The following NHSL2 variants were observed in gnomAD, a reference collection of about 807,000 sequenced individuals.
The protein encoded by NHSL2 is NHS-like protein 2.
A neutral mutation model predicts 53.4 loss-of-function variants in NHSL2; 27 were observed. The observed-to-expected ratio is 0.51, with a 90% CI of 0.37 to 0.70. The LOEUF is 0.70. Ranked by LOEUF, NHSL2 falls within the 30% of genes least tolerant of loss-of-function variation. The pLI is 0.00. For missense variants in NHSL2, 892 were observed against 980.1 expected (o/e 0.91, Z 1.20); for synonymous variants, 408 against 404.1 (o/e 1.01, Z -0.12).
At chrX:72,129,824 C>T in intron 1 of NHSL2, 12 of 1,185,197 alleles carry the variant, frequency 1.0e-5, no homozygotes, top group Non-Finnish European at 1.4e-5. Context: ...CCATCTGGCC[C>T]CAGCACTCAA....
intron 1 of NHSL2, among the ~76,000 whole-genome samples, chrX:72,104,598 C>T (rs771701707): frequency 1.9e-4 from 21 of 111,952 alleles, no homozygotes; most frequent in Middle Eastern, 4.6e-3. Context: ...CCCAAGGTGA[C>T]GCTGAGGTCT....
At chrX:72,079,936 C>G (rs1014690106) in intron 1 of NHSL2, 1 of 112,931 alleles carries the variant, frequency 8.9e-6, no homozygotes, top group Non-Finnish European at 1.9e-5. Flanking sequence ...TCCAGGGTGG[C>G]TGTGGGTGGA....
At chrX:72,057,011 A>G (rs1207392526) in intron 1 of NHSL2, among the ~76,000 whole-genome samples, 1 of 112,517 alleles carries the variant, frequency 8.9e-6, no homozygotes, top group Non-Finnish European at 1.9e-5. Context: ...TTCAGACACC[A>G]GGAGGCCATT....
At chrX:71,991,818 TTCTCTCTCTCTCTC>T (rs59851052) in intron 1 of NHSL2, among the ~76,000 whole-genome samples, 5 of 99,857 alleles carry the variant, frequency 5.0e-5, no homozygotes, top group Non-Finnish European at 9.9e-5. Flanking sequence ...GTCTTTCTCT[TTCTCTCTCTCTCTC>T]TCTCTCTCTC....
intron 1 of NHSL2, among the ~76,000 whole-genome samples, chrX:72,058,448 G>A (rs1474980578): frequency 1.8e-5 from 2 of 111,423 alleles, no homozygotes; most frequent in African/African-American, 6.5e-5. Flanking sequence ...CGATTCAAGC[G>A]ATTCTCCTGC....
intron 1 of NHSL2, among the ~76,000 whole-genome samples, chrX:72,066,676 A>G (rs1404182367): frequency 8.9e-6 from 1 of 112,441 alleles, no homozygotes; most frequent in African/African-American, 3.2e-5. Flanking sequence ...CAATGGGAAC[A>G]TCTTGAGCAT....
At chrX:72,048,300 C>T (rs1249342013) in intron 1 of NHSL2, among the ~76,000 whole-genome samples, 1 of 110,639 alleles carries the variant, frequency 9.0e-6, no homozygotes. Flanking sequence ...GAGGTTCCCA[C>T]ACTTGGGTTC....
chrX:72,148,790 C>T lies in NHSL2; in HGVS notation c.*5216C>T, dbSNP rs2042483302. 1 of 108,210 alleles carries T rather than the reference C, an allele frequency of 9.2e-6. No homozygotes were observed. The highest frequency in any genetic ancestry group is 3.4e-5 in the African/African-American group (1 of 29,464). 8.9% of individuals were successfully genotyped at this position (108,210 alleles called of 1,213,427 possible). A position where few individuals can be genotyped will look rare whatever the true frequency, so the allele number is the denominator to read the frequency against. On this transcript the variant is annotated 3_prime_UTR_variant, in exon 8 of 8. Coordinates refer to ENST00000633930, the MANE Select transcript of NHSL2 (RefSeq NM_001013627.3). ...GGTTCTCAAAGTGCAGTTCCAGGAG[C>T]AGCAACAGCAGCATCCCTGGAGAGG... is the stretch of plus-strand genomic sequence containing the variant.
chrX:72,002,637 C>A (rs138097931), intron 1 of NHSL2, among the ~76,000 whole-genome samples: 10,111 of 111,419 alleles, frequency 0.091, 454 homozygotes, highest in Middle Eastern at 0.16. Flanking sequence ...AGCTGTAGAT[C>A]TGGTAGTCTC....
At chrX:71,985,657 A>G (rs2041999847) in intron 1 of NHSL2, among the ~76,000 whole-genome samples, 1 of 112,440 alleles carries the variant, frequency 8.9e-6, no homozygotes, top group Non-Finnish European at 1.9e-5. Flanking sequence ...ACTCTGAAAA[A>G]CAAAACAAAA....
At chrX:72,060,953 T>C (rs1039110922) in intron 1 of NHSL2, among the ~76,000 whole-genome samples, 1 of 113,023 alleles carries the variant, frequency 8.8e-6, no homozygotes, top group African/African-American at 3.2e-5. Context: ...ACTTCCCCTG[T>C]CTTGGCCTGC....
At chrX:71,912,075 C>G (rs59203931) in intron 1 of NHSL2, among the ~76,000 whole-genome samples, 1 of 112,452 alleles carries the variant, frequency 8.9e-6, no homozygotes, top group East Asian at 2.8e-4. Flanking sequence ...TGGAGAGAAT[C>G]ATTTAAAGAA....
At chrX:72,130,436 A>G in intron 1 of NHSL2, 2 of 1,204,431 alleles carry the variant, frequency 1.7e-6, no homozygotes, top group Non-Finnish European at 2.2e-6. Flanking sequence ...TCTTGCTGAA[A>G]AGCCCTCATG....
chrX:72,034,065 C>A (rs2042229190), intron 1 of NHSL2, among the ~76,000 whole-genome samples: 1 of 111,922 alleles, frequency 8.9e-6, no homozygotes, highest in Admixed American at 9.4e-5. Context: ...AATAGATGTT[C>A]TTTACCACGT....
chrX:71,964,839 C>T (rs2041894321), intron 1 of NHSL2, among the ~76,000 whole-genome samples: 1 of 112,444 alleles, frequency 8.9e-6, no homozygotes, highest in Non-Finnish European at 1.9e-5. Context: ...TTTCACAGAA[C>T]AGAATTTTTA....
chrX:72,094,909 G>A (rs941783003), intron 1 of NHSL2, among the ~76,000 whole-genome samples: 1 of 112,040 alleles, frequency 8.9e-6, no homozygotes. Context: ...CCATTGCAAC[G>A]CAGGGTGCAG....
chrX:72,067,970 C>T (rs2042441433), intron 1 of NHSL2, among the ~76,000 whole-genome samples: 1 of 111,876 alleles, frequency 8.9e-6, no homozygotes, highest in Non-Finnish European at 1.9e-5. Flanking sequence ...ACAGTGTGTC[C>T]TTCCCCTTTC....
intron 1 of NHSL2, among the ~76,000 whole-genome samples, chrX:72,089,955 C>T (rs2041882405): frequency 8.9e-6 from 1 of 112,149 alleles, no homozygotes; most frequent in African/African-American, 3.2e-5. Context: ...AGACTACGCA[C>T]AGTAACAGTG....
Position 72,140,420 on chromosome X carries a change from G to A in NHSL2, c.2872G>A (p.Ala958Thr). ...VFTPFASSSD[A>T]FFSGTQQPPQ... ...CACGCCTTTTGCCAGTTCCTCTGAT[G>A]CTTTCTTCTCAGGAACACAGCAGCC... The change falls in exon 6 of 8, where the codon GCT (alanine) becomes ACT (threonine). Residue 958 changes from alanine (A) to threonine (T), a missense_variant. Coordinates refer to ENST00000633930, the MANE Select transcript of NHSL2 (RefSeq NM_001013627.3). The A allele has an allele frequency of 2.5e-6, 3 of 1,209,960 alleles. No individual in the cohort carries two copies. Among genetic ancestry groups the A allele is most frequent in the East Asian group, 5.9e-5 (2 of 33,838 alleles).
Sources: gnomAD v4.1 joint callset for allele counts (sites outside exome capture counted in the v4.1 genomes callset) on GRCh38, gnomAD v4.1.1 for gene constraint, MANE v1.5 for transcripts, NCBI Gene and HGNC (gene_info 2026-07-23, HGNC 2026-07-21) for gene names.